RORA: variants seen among roughly 807,000 people sequenced by gnomAD.
RORA encodes the protein RAR related orphan receptor A, also known as nuclear receptor ROR-alpha.
In RORA, 7 loss-of-function variants were observed where a neutral mutation model predicts 69.5. That is an observed-to-expected ratio of 0.10 (90% confidence interval 0.06 to 0.19). The LOEUF is 0.19. Among genes scored for constraint, RORA ranks in the 10% least tolerant of loss-of-function variants. RORA has a pLI of 1.00. For synonymous variants in RORA, 261 were observed against 240.8 expected, an observed-to-expected ratio of 1.08 and a Z score of -0.78; for missense variants, 457 against 663.0, an observed-to-expected ratio of 0.69 and a Z score of 3.41.
At chr15:60,558,058 A>T in intron 2 of RORA, 1 of 430,764 alleles carries the variant, frequency 2.3e-6, no homozygotes, top group South Asian at 6.9e-5. Context: ...AGTAGTGCCA[A>T]TGACGAAAGA....
intron 1 of RORA, among the ~76,000 whole-genome samples, chr15:61,093,471 C>G (rs994136904): frequency 6.6e-6 from 1 of 152,170 alleles, no homozygotes; most frequent in African/African-American, 2.4e-5. Flanking sequence ...GAGATACAGA[C>G]CAACAATGCT....
At chr15:61,206,590 C>T (rs2079943891) in intron 1 of RORA, among the ~76,000 whole-genome samples, 1 of 152,212 alleles carries the variant, frequency 6.6e-6, no homozygotes, top group Non-Finnish European at 1.5e-5. Flanking sequence ...TCCCGCCCTT[C>T]ACCCCGACCA....
At chr15:60,879,996 G>A (rs1006177217) in intron 1 of RORA, among the ~76,000 whole-genome samples, 11 of 152,136 alleles carry the variant, frequency 7.2e-5, no homozygotes, top group African/African-American at 2.7e-4. Context: ...TGCATCTCCT[G>A]TAAGCATGCT....
chr15:60,867,545 G>A (rs1211760489), intron 1 of RORA, among the ~76,000 whole-genome samples: 2 of 152,206 alleles, frequency 1.3e-5, no homozygotes, highest in African/African-American at 4.8e-5. Context: ...GTATACAGAT[G>A]GGAGTTCATA....
intron 1 of RORA, among the ~76,000 whole-genome samples, chr15:60,937,828 T>A (rs16943376): frequency 0.16 from 23,618 of 152,240 alleles, 1,954 homozygotes; most frequent in Admixed American, 0.2. Flanking sequence ...TTACATAAAC[T>A]TGCCTACCTC....
intron 1 of RORA, among the ~76,000 whole-genome samples, chr15:60,938,293 A>G (rs1188916692): frequency 1.3e-5 from 2 of 152,194 alleles, no homozygotes; most frequent in East Asian, 3.8e-4. Flanking sequence ...GGCAATAATG[A>G]AGAAAAATTT....
intron 1 of RORA, among the ~76,000 whole-genome samples, chr15:61,126,867 G>A (rs1448653162): frequency 1.3e-5 from 2 of 152,148 alleles, no homozygotes; most frequent in African/African-American, 4.8e-5. Flanking sequence ...CACCAAAGAG[G>A]AAAGCAACTT....
intron 1 of RORA, among the ~76,000 whole-genome samples, chr15:60,959,517 TA>T (rs773030126): frequency 5.9e-5 from 9 of 152,138 alleles, no homozygotes; most frequent in Non-Finnish European, 2.9e-5. Context: ...AGCCTTAAAA[TA>T]AAAGGGTTCT....
intron 1 of RORA, among the ~76,000 whole-genome samples, chr15:61,214,926 A>G (rs973756476): frequency 1.5e-5 from 2 of 137,792 alleles, no homozygotes; most frequent in Non-Finnish European, 3.0e-5. Flanking sequence ...GTGCAGTGGC[A>G]CGATCTCGGC....
intron 1 of RORA, among the ~76,000 whole-genome samples, chr15:60,696,449 T>C (rs888970920): frequency 4.6e-5 from 7 of 152,158 alleles, no homozygotes; most frequent in Non-Finnish European, 7.4e-5. Flanking sequence ...TTGGATTATA[T>C]AACAACTCCC....
At chr15:60,932,346 G>A (rs944220087) in intron 1 of RORA, among the ~76,000 whole-genome samples, 5 of 152,134 alleles carry the variant, frequency 3.3e-5, no homozygotes, top group Admixed American at 6.5e-5. Context: ...ATTCTGGACC[G>A]TCCTAAAGAG....
At chr15:60,573,555 A>G (rs1259559011) in intron 2 of RORA, among the ~76,000 whole-genome samples, 6 of 152,220 alleles carry the variant, frequency 3.9e-5, no homozygotes, top group African/African-American at 1.2e-4. Flanking sequence ...CGGCACCTTC[A>G]GTAGAAAGAA....
chr15:61,069,663 A>G (rs911061390), intron 1 of RORA, among the ~76,000 whole-genome samples: 2 of 152,092 alleles, frequency 1.3e-5, no homozygotes, highest in Non-Finnish European at 2.9e-5. Flanking sequence ...AAAGTCCCCA[A>G]GCAAAACTAG....
intron 1 of RORA, among the ~76,000 whole-genome samples, chr15:60,947,440 A>C (rs1444665925): frequency 1.3e-5 from 2 of 152,016 alleles, no homozygotes; most frequent in African/African-American, 4.8e-5. Context: ...CTCAGGGTTA[A>C]ATGGATTAAG....
chr15:60,613,946 G>GA (rs35116092), intron 2 of RORA, among the ~76,000 whole-genome samples: 1,462 of 143,258 alleles, frequency 0.01, 16 homozygotes, highest in African/African-American at 0.021. Flanking sequence ...GAAATTATGT[G>GA]AAAAAAAAAA....
At chr15:61,221,755 G>T (rs199802214) in intron 1 of RORA, among the ~76,000 whole-genome samples, 5 of 152,232 alleles carry the variant, frequency 3.3e-5, no homozygotes, top group African/African-American at 1.2e-4. Flanking sequence ...TCAGTGGCTT[G>T]AGGATCCTAT....
intron 2 of RORA, among the ~76,000 whole-genome samples, chr15:60,542,089 A>T (rs2066890515): frequency 6.6e-6 from 1 of 152,226 alleles, no homozygotes; most frequent in South Asian, 2.1e-4. Flanking sequence ...GCAATAAGTG[A>T]ATCTTTCTAA....
chr15:60,568,933 T>C (rs1284166243), intron 2 of RORA, among the ~76,000 whole-genome samples: 10 of 111,294 alleles, frequency 9.0e-5, no homozygotes, highest in African/African-American at 4.0e-4. Context: ...TCAGTTTAGA[T>C]GGTTTTGCGC....
At chr15:61,209,876 G>C (rs1371031947) in intron 1 of RORA, among the ~76,000 whole-genome samples, 1 of 152,188 alleles carries the variant, frequency 6.6e-6, no homozygotes, top group Non-Finnish European at 1.5e-5. Context: ...TTCTTGCACT[G>C]ACTTACTTAT....
Sources: gnomAD v4.1 joint callset for allele counts (sites outside exome capture counted in the v4.1 genomes callset) on GRCh38, gnomAD v4.1.1 for gene constraint, MANE v1.5 for transcripts, NCBI Gene and HGNC (gene_info 2026-07-23, HGNC 2026-07-21) for gene names.